The following TGFBR3 variants were observed in gnomAD, a reference collection of about 807,000 sequenced individuals.
TGFBR3 encodes the protein transforming growth factor beta receptor type 3.
Under a neutral mutation model 87.9 loss-of-function variants are expected in TGFBR3, and 46 were observed. That is an observed-to-expected ratio of 0.52 (90% CI 0.41 to 0.67). The LOEUF is 0.67. TGFBR3 is among the 30% of genes least tolerant of loss of function. The probability of loss-of-function intolerance (pLI) is 0.00; values close to 1 mark genes in which losing one functional copy is unlikely to be tolerated. For synonymous variants in TGFBR3, 381 were observed against 391.6 expected (o/e 0.97, Z 0.32); for missense variants, 866 against 1,041.9 (o/e 0.83, Z 2.32).
In TGFBR3 at chr1:91,698,134, A is replaced by C. The variant is rs776504566; in HGVS notation, c.2288-4T>G. ...TCCTTCATGCTTGGACCTTTTTCTGAAACAAAAACATAAATCACAATGTAT... is the reference window on the plus strand; with the variant it reads ...TCCTTCATGCTTGGACCTTTTTCTGCAACAAAAACATAAATCACAATGTAT... On this transcript the variant is annotated splice_region_variant and splice_polypyrimidine_tract_variant and intron_variant, in intron 14 of 16. Transcript: ENST00000212355. 4 of 1,613,310 alleles carry C rather than the reference A, an allele frequency of 2.5e-6. No individual in the cohort carries two copies. The Admixed American group carries it at 5.0e-5, about 20-fold the overall frequency.
Position 91,768,990 on chromosome 1 carries a change from T to C in TGFBR3, c.247-10240A>G, listed in dbSNP as rs139161961. On this transcript the variant is annotated intron_variant, in intron 3 of 16. Transcript: ENST00000212355. ...CCTTCCTTTCTAAATTACAGGCAGT[T>C]TGACCTGGTGGTTAAGAACAGTGAC... Among the ~76,000 whole-genome samples the C allele has an allele frequency of 2.8e-3, 425 of 152,292 alleles. 2 individuals are homozygous for C. Among genetic ancestry groups the C allele is most frequent in the Non-Finnish European group, 5.0e-3 (338 of 68,016 alleles).
rs1221934483 is a variant in TGFBR3 at position 91,682,060 on chromosome 1, T to C, written c.*1679A>G. Reference sequence around the variant, plus strand: ...GTTCCTTATTGAAAAAAAAAAATGTTCCTTATTGAATGTGTATATCTATCA... The same window carrying C: ...GTTCCTTATTGAAAAAAAAAAATGTCCCTTATTGAATGTGTATATCTATCA... On this transcript the variant is annotated 3_prime_UTR_variant, in exon 17 of 17. Transcript: ENST00000212355. 4 of 453,864 alleles carry C rather than the reference T, an allele frequency of 8.8e-6. No individual in the cohort carries two copies. In the Admixed American group the frequency reaches 9.4e-5, roughly 11 times the overall value. The allele number at this position is 453,864 out of a possible 1,614,324, so 28.1% of individuals were successfully genotyped here.
intron 3 of TGFBR3, among the ~76,000 whole-genome samples, chr1:91,785,251 A>C (rs1487782802): frequency 6.6e-6 from 1 of 152,268 alleles, no homozygotes; most frequent in Non-Finnish European, 1.5e-5. Flanking sequence ...GCATGATCCC[A>C]TTCATATGAA....
intron 2 of TGFBR3, among the ~76,000 whole-genome samples, chr1:91,822,370 C>A (rs1676482297): frequency 6.7e-6 from 1 of 148,288 alleles, no homozygotes; most frequent in Non-Finnish European, 1.5e-5. Flanking sequence ...CATTTTCCAG[C>A]CTCACCAATC....
chr1:91,813,827 G>A (rs1036581340), intron 2 of TGFBR3, among the ~76,000 whole-genome samples: 7 of 152,228 alleles, frequency 4.6e-5, no homozygotes, highest in African/African-American at 1.7e-4. Flanking sequence ...CCGAGGAGGA[G>A]AGGATGGTTT....
At chr1:91,771,983 C>T (rs1281782323) in intron 3 of TGFBR3, among the ~76,000 whole-genome samples, 2 of 151,816 alleles carry the variant, frequency 1.3e-5, no homozygotes, top group Non-Finnish European at 2.9e-5. Context: ...GGGGTCCAGA[C>T]AAGGAGAAGG....
At chr1:91,898,726 C>A (rs1679613466) in intron 2 of TGFBR3, among the ~76,000 whole-genome samples, 1 of 152,156 alleles carries the variant, frequency 6.6e-6, no homozygotes. Context: ...TGTGAGCGAA[C>A]ACGTCTGGCT....
chr1:91,898,264 G>A (rs1276869147), intron 2 of TGFBR3, among the ~76,000 whole-genome samples: 2 of 152,046 alleles, frequency 1.3e-5, no homozygotes, highest in Non-Finnish European at 2.9e-5. Flanking sequence ...GTGTCTGTGT[G>A]TGTGCATTTA....
At chr1:91,795,911 G>C (rs1484655978) in intron 3 of TGFBR3, among the ~76,000 whole-genome samples, 1 of 152,134 alleles carries the variant, frequency 6.6e-6, no homozygotes, top group Non-Finnish European at 1.5e-5. Context: ...AGCCAACTCT[G>C]CACACGTTCA....
intron 4 of TGFBR3, among the ~76,000 whole-genome samples, chr1:91,755,481 A>C (rs1288342243): frequency 6.6e-6 from 1 of 152,186 alleles, no homozygotes; most frequent in South Asian, 2.1e-4. Context: ...AGCCTGCTGG[A>C]CAACAAAGCA....
intron 7 of TGFBR3, among the ~76,000 whole-genome samples, chr1:91,726,003 C>T (rs1672536719): frequency 6.6e-6 from 1 of 152,118 alleles, no homozygotes; most frequent in African/African-American, 2.4e-5. Flanking sequence ...AAAAGAACAT[C>T]ATGAAACATT....
At chr1:91,870,976 C>CA (rs1678562033) in intron 1 of TGFBR3, among the ~76,000 whole-genome samples, 1 of 151,376 alleles carries the variant, frequency 6.6e-6, no homozygotes, top group African/African-American at 2.4e-5. Context: ...TTCAAGGCTG[C>CA]AAGTGAGCTA....
chr1:91,714,738 A>G (rs1672099745), intron 12 of TGFBR3, among the ~76,000 whole-genome samples: 1 of 152,224 alleles, frequency 6.6e-6, no homozygotes, highest in African/African-American at 2.4e-5. Context: ...TCCACAGCGC[A>G]ATAGGGTGCT....
At chr1:91,830,415 G>A (rs1238699265) in intron 2 of TGFBR3, among the ~76,000 whole-genome samples, 2 of 152,144 alleles carry the variant, frequency 1.3e-5, no homozygotes, top group Admixed American at 6.5e-5. Context: ...CTCTGTCCAC[G>A]GTATGGATGC....
At chr1:91,855,933 C>A (rs1394393511) in intron 2 of TGFBR3, among the ~76,000 whole-genome samples, 2 of 151,582 alleles carry the variant, frequency 1.3e-5, no homozygotes, top group African/African-American at 2.4e-5. Context: ...CCAAGTAAAT[C>A]ACCTAAGCTA....
chr1:91,898,728 C>T (rs181505695), intron 2 of TGFBR3, among the ~76,000 whole-genome samples: 1 of 152,088 alleles, frequency 6.6e-6, no homozygotes, highest in Non-Finnish European at 1.5e-5. Flanking sequence ...TGAGCGAACA[C>T]GTCTGGCTGA....
chr1:91,755,466 A>C (rs1673707771), intron 4 of TGFBR3, among the ~76,000 whole-genome samples: 1 of 152,170 alleles, frequency 6.6e-6, no homozygotes, highest in South Asian at 2.1e-4. Flanking sequence ...GTTTTCCCTA[A>C]AGGAAGCCTG....
At chr1:91,745,309 AAAATAG>A (rs1673303757) in intron 4 of TGFBR3, among the ~76,000 whole-genome samples, 1 of 152,202 alleles carries the variant, frequency 6.6e-6, no homozygotes, top group Non-Finnish European at 1.5e-5. Context: ...CCTGCTTAGG[AAAATAG>A]AAAGAGCAAA....
At chr1:91,840,917 TCTC>T (rs1407906705) in intron 2 of TGFBR3, among the ~76,000 whole-genome samples, 1 of 152,248 alleles carries the variant, frequency 6.6e-6, no homozygotes, top group Non-Finnish European at 1.5e-5. Context: ...TTCAAGCAAT[TCTC>T]CTGCCTCAGC....
Sources: allele counts gnomAD v4.1 joint callset (sites outside exome capture counted in the v4.1 genomes callset), GRCh38; gene constraint gnomAD v4.1.1; transcripts MANE v1.5; gene names NCBI Gene and HGNC (gene_info 2026-07-23, HGNC 2026-07-21).